The following NUTM2G variants were observed in gnomAD, a reference collection of about 807,000 sequenced individuals.
NUTM2G encodes the protein NUT family member 2G, also known as family with sequence similarity 22, member G.
A neutral mutation model predicts 44.3 loss-of-function variants in NUTM2G; 29 were observed. The ratio of observed to expected loss-of-function variants is 0.66; its 90% confidence interval spans 0.49 to 0.89. The LOEUF is 0.89. NUTM2G is among the 40% of genes least tolerant of loss of function. The pLI is 0.00. For synonymous variants in NUTM2G, 205 were observed against 395.9 expected (o/e 0.52, Z 5.72); for missense variants, 502 against 946.5 (o/e 0.53, Z 6.16).
chr9:96,931,890 C>A lies in NUTM2G; in HGVS notation c.185C>A (p.Thr62Asn). 6.2e-7 allele frequency: 1 copy of A among 1,612,412 alleles called. No homozygotes were observed. Among genetic ancestry groups the A allele is most frequent in the African/African-American group, 1.3e-5 (1 of 75,014 alleles). The change falls in exon 2 of 7, where the codon ACC becomes AAC. Residue 62 changes from threonine to asparagine, a missense_variant. By Grantham distance (65) the Thr-to-Asn change is moderately conservative (BLOSUM62 0). Coordinates refer to ENST00000372322, the MANE Select transcript of NUTM2G (RefSeq NM_001170741.3). ...CTGGTGCTCTCTGCCTTCCCCAGCA[C>A]CCCTCTAGTGGCAGGACAGGATGGC... Reference protein sequence around the residue: ...GPLVLSAFPSTPLVAGQDGRG... With the variant: ...GPLVLSAFPSNPLVAGQDGRG...
At chr9:96,932,874 C>T (rs1826310084) in intron 2 of NUTM2G, among the ~76,000 whole-genome samples, 1 of 151,826 alleles carries the variant, frequency 6.6e-6, no homozygotes, top group African/African-American at 2.4e-5. Flanking sequence ...GTCTTGAACT[C>T]CCGACCTCAG....
intron 5 of NUTM2G, 54 bp from the exon 6 acceptor site, chr9:96,937,831 G>A (rs1826489996): frequency 6.3e-7 from 1 of 1,599,026 alleles, no homozygotes; most frequent in Non-Finnish European, 8.6e-7. Context: ...GGTGTCCTTG[G>A]CTCCAGGTTA....
chr9:96,937,257 G>A lies in NUTM2G; in HGVS notation c.1176G>A (p.Gly392=). The A allele has an allele frequency of 1.2e-6, 2 of 1,613,540 alleles. No homozygotes were observed. Among genetic ancestry groups the A allele is most frequent in the South Asian group, 1.1e-5 (1 of 91,046 alleles). ...EYVDIMEELL[G]SHPGDTGEPE... is the part of the protein sequence containing the mutation. ...TGGACATCATGGAGGAGCTGCTGGGGTCTCACCCTGGGGACACAGGGGAGC... is the reference window on the plus strand; with the variant it reads ...TGGACATCATGGAGGAGCTGCTGGGATCTCACCCTGGGGACACAGGGGAGC... Residue 392 remains glycine, a synonymous_variant, in exon 5 of 7, where the codon GGG becomes GGA. Transcript: ENST00000372322.
In NUTM2G at chr9:96,931,682, G is replaced by A. The variant is rs1276633679; in HGVS notation, c.17-40G>A. On this transcript the variant is annotated intron_variant, in intron 1 of 6. Transcript: ENST00000372322. ...TTCCCCAGTGACTAGAGTGGACCTG[G>A]AGACGCCAGCTCATTCACCTCTTTC... 3.1e-6 allele frequency: 5 copies of A among 1,608,728 alleles called. No individual in the cohort carries two copies. In the South Asian group the frequency reaches 3.3e-5, roughly 11 times the overall value.
chr9:96,933,220 C>T (rs1482352130), intron 2 of NUTM2G, among the ~76,000 whole-genome samples: 1 of 151,222 alleles, frequency 6.6e-6, no homozygotes, highest in Non-Finnish European at 1.5e-5. Flanking sequence ...CCTGGTGATT[C>T]TCCCGCCTCG....
intron 2 of NUTM2G, among the ~76,000 whole-genome samples, chr9:96,932,830 G>A (rs1319410137): frequency 1.3e-5 from 2 of 150,952 alleles, no homozygotes; most frequent in African/African-American, 2.4e-5. Context: ...TTTTGTATTC[G>A]TAGAGATGGG....
In NUTM2G at chr9:96,938,584, T is replaced by G. The variant is rs779288787; in HGVS notation, c.1661T>G (p.Met554Arg). 6 of 1,613,202 alleles carry G rather than the reference T, an allele frequency of 3.7e-6. No homozygotes were observed. The South Asian group carries it at 6.6e-5, about 18-fold the overall frequency. ...GGACAGGGCAGAGTGCGCACTGGCATGGCCAGGTCCGAAGACCCTGCTGTG... is the reference window on the plus strand; with the variant it reads ...GGACAGGGCAGAGTGCGCACTGGCAGGGCCAGGTCCGAAGACCCTGCTGTG... ...PQGQGRVRTGMARSEDPAVLL... is the reference protein window; with the variant it reads ...PQGQGRVRTGRARSEDPAVLL... Residue 554 changes from methionine to arginine, a missense_variant, in exon 7 of 7, where the codon ATG becomes AGG. Coordinates refer to ENST00000372322, the MANE Select transcript of NUTM2G (RefSeq NM_001170741.3).
At chr9:96,937,542 G>A (rs1564033699) in intron 5 of NUTM2G, 138 bp downstream of exon 5, 2 of 775,354 alleles carry the variant, frequency 2.6e-6, no homozygotes, top group East Asian at 2.7e-5. Flanking sequence ...ATGTGACTGT[G>A]TGTGTCTGTG....
Position 96,937,058 on chromosome 9 carries a change from C to T in NUTM2G, c.983-6C>T, listed in dbSNP as rs1279474280. On this transcript the variant is annotated splice_region_variant and splice_polypyrimidine_tract_variant and intron_variant, in intron 4 of 6. Transcript: ENST00000372322. ...CCACACCCATCCTCCTCCCTCTCTG[C>T]CTCAGTGTACCTTCCCAGCAAGGAT... 1 of 1,601,098 alleles carries T rather than the reference C, an allele frequency of 6.2e-7. No homozygotes were observed. The highest frequency in any genetic ancestry group is 8.5e-7 in the Non-Finnish European group (1 of 1,176,786).
chr9:96,937,179 A>G lies in NUTM2G; in HGVS notation c.1098A>G (p.Pro366=), dbSNP rs1564033478. ...TGCCACCACCCAGGCCCCCGAGGCC[A>G]GCAGAGACCAAGGTCCCTGAGGAGA... is the stretch of plus-strand genomic sequence containing the variant. ...AHLPPPRPPR[P]AETKVPEEIP... Residue 366 remains proline (P), a synonymous_variant, in exon 5 of 7, where the codon CCA becomes CCG. Transcript: ENST00000372322. 6.2e-7 allele frequency: 1 copy of G among 1,612,706 alleles called. No homozygotes were observed.
intron 4 of NUTM2G, among the ~76,000 whole-genome samples, chr9:96,936,859 G>A (rs1292581017): frequency 6.6e-6 from 1 of 152,126 alleles, no homozygotes; most frequent in South Asian, 2.1e-4. Context: ...GAGAGTACAC[G>A]GCATATCGGT....
rs116283178 is a variant in NUTM2G at position 96,935,042 on chromosome 9, C to T, written c.714-286C>T. On this transcript the variant is annotated intron_variant, in intron 2 of 6. Transcript: ENST00000372322. ...GACACACTGGCACTGAGGGCTTCAA[C>T]ACAGGAATGTTGGGGACACACATGT... Among the ~76,000 whole-genome samples the T allele has an allele frequency of 4.4e-3, 666 of 152,334 alleles. 6 individuals carry two copies. The highest frequency in any genetic ancestry group is 0.015 in the African/African-American group (626 of 41,582).
chr9:96,938,101 T>A lies in NUTM2G; in HGVS notation c.1440+100T>A, dbSNP rs369468127. 8.7e-6 allele frequency: 12 copies of A among 1,377,416 alleles called. 1 individual carries two copies. The South Asian group carries it at 1.2e-4, about 14-fold the overall frequency. 85.3% of individuals were successfully genotyped at this position (1,377,416 alleles called of 1,614,324 possible). ...GTCTAAGCCCACCCTGCTGGGGATG[T>A]TCAGCTTCTTGGGGAGCCACTCCGG... On this transcript the variant is annotated intron_variant, in intron 6 of 6. Transcript: ENST00000372322.
intron 2 of NUTM2G, among the ~76,000 whole-genome samples, chr9:96,932,686 C>A (rs1439692942): frequency 6.7e-6 from 1 of 148,440 alleles, no homozygotes; most frequent in Admixed American, 6.7e-5. Flanking sequence ...GACTTTCACT[C>A]TTGTTGCCCA....
rs397834954 is a variant in NUTM2G, at chr9:96,935,542, G to A, written c.842+86G>A. The stretch of plus-strand genomic sequence containing the variant: ...CCGGTGGCCGTGGTGGCTTCTCAGC[G>A]TGGAGCATGAGGAGGGTGTGGACAA... On this transcript the variant is annotated intron_variant, in intron 3 of 6. Coordinates refer to ENST00000372322, the MANE Select transcript of NUTM2G (RefSeq NM_001170741.3). 9.3e-5 allele frequency: 150 copies of A among 1,610,468 alleles called. No individual in the cohort carries two copies. The African/African-American group carries it at 1.3e-3, about 14-fold the overall frequency.
intron 2 of NUTM2G, 119 bp from the exon 3 acceptor site, chr9:96,935,209 A>C: frequency 6.7e-7 from 1 of 1,500,798 alleles, no homozygotes; most frequent in Non-Finnish European, 9.1e-7. Context: ...ATGGGGGAGA[A>C]CAGGACAGGG....
chr9:96,937,995 T>C lies in NUTM2G; in HGVS notation c.1434T>C (p.Leu478=). The C allele has an allele frequency of 6.2e-7, 1 of 1,612,368 alleles. No individual in the cohort carries two copies. The highest frequency in any genetic ancestry group is 2.1e-4 in the Middle Eastern group (1 of 4,768). ...QELEQEEGLT[L]AQLVEKRLLS... is the part of the protein sequence containing the mutation. ...TGGAGCAGGAGGAAGGACTCACCCTTGCCCAGGTAGAGCAGCAGAGGGAGG... is the reference window on the plus strand; with the variant it reads ...TGGAGCAGGAGGAAGGACTCACCCTCGCCCAGGTAGAGCAGCAGAGGGAGG... The change falls in exon 6 of 7, where the codon CTT becomes CTC. Residue 478 remains leucine (L), a synonymous_variant. Transcript: ENST00000372322.
At position 96,931,883 on chromosome 9, in the gene NUTM2G, C is replaced by T. The variant is rs1253160202; in HGVS notation, c.178C>T (p.Pro60Ser). ...PAGPLVLSAF[P>S]STPLVAGQDG... Reference sequence around the variant, plus strand: ...CGGCCCTCTGGTGCTCTCTGCCTTCCCCAGCACCCCTCTAGTGGCAGGACA... The same window carrying T: ...CGGCCCTCTGGTGCTCTCTGCCTTCTCCAGCACCCCTCTAGTGGCAGGACA... The change falls in exon 2 of 7, where the codon CCC (proline) becomes TCC (serine). Residue 60 changes from proline (P) to serine (S), a missense_variant. Coordinates refer to ENST00000372322, the MANE Select transcript of NUTM2G (RefSeq NM_001170741.3). 1.6e-5 allele frequency: 26 copies of T among 1,612,380 alleles called. No homozygotes were observed. The highest frequency in any genetic ancestry group is 2.0e-5 in the Non-Finnish European group (24 of 1,179,842).
Position 96,936,285 on chromosome 9 carries a change from G to A in NUTM2G, c.843-140G>A. 10 of 1,464,850 alleles carry A rather than the reference G, an allele frequency of 6.8e-6. 1 individual carries two copies. Among genetic ancestry groups the A allele is most frequent in the Middle Eastern group, 2.4e-4 (1 of 4,082 alleles). The allele number at this position is 1,464,850 out of a possible 1,614,324, so 90.7% of individuals were successfully genotyped here. ...AACTCTGGGAGCAGCTCCCTCCTGG[G>A]ACTGGGGGATGGGTCCCAGTGAGGG... is the stretch of plus-strand genomic sequence containing the variant. On this transcript the variant is annotated intron_variant, in intron 3 of 6. Coordinates refer to ENST00000372322, the MANE Select transcript of NUTM2G (RefSeq NM_001170741.3).
Sources: gnomAD v4.1 joint callset for allele counts (sites outside exome capture counted in the v4.1 genomes callset) on GRCh38, gnomAD v4.1.1 for gene constraint, MANE v1.5 for transcripts, NCBI Gene and HGNC (gene_info 2026-07-23, HGNC 2026-07-21) for gene names.